TMEM178B: variants seen among roughly 807,000 people sequenced by gnomAD.
TMEM178B encodes the protein transmembrane protein 178B.
TMEM178B carries 5 observed loss-of-function variants against 31.0 expected under a neutral mutation model. That is an observed-to-expected ratio of 0.16 (90% CI 0.08 to 0.34). The LOEUF is 0.34. Among genes scored for constraint, TMEM178B ranks in the 10% least tolerant of loss-of-function variants. The pLI is 1.00. For synonymous variants in TMEM178B, 164 were observed against 164.0 expected (o/e 1.00, Z 0.00); for missense variants, 275 against 400.3 (o/e 0.69, Z 2.67).
intron 2 of TMEM178B, among the ~76,000 whole-genome samples, chr7:141,247,832 A>C (rs1173471035): frequency 2.0e-5 from 3 of 152,158 alleles, no homozygotes; most frequent in African/African-American, 7.2e-5. Context: ...TATACTAAAA[A>C]TTATTTGTTG....
chr7:141,286,120 G>T (rs943235046), intron 2 of TMEM178B, among the ~76,000 whole-genome samples: 2 of 148,972 alleles, frequency 1.3e-5, no homozygotes, highest in African/African-American at 4.9e-5. Context: ...AAATTAAAAA[G>T]AAAAAAAAAG....
At chr7:141,392,086 A>G (rs28544258) in intron 2 of TMEM178B, among the ~76,000 whole-genome samples, 18,850 of 151,802 alleles carry the variant, frequency 0.12, 1,473 homozygotes, top group African/African-American at 0.21. Flanking sequence ...AAACTGCCAT[A>G]TTGTTTTATT....
At chr7:141,132,726 C>T (rs1241352340) in intron 1 of TMEM178B, among the ~76,000 whole-genome samples, 1 of 152,138 alleles carries the variant, frequency 6.6e-6, no homozygotes, top group Non-Finnish European at 1.5e-5. Context: ...CACACCCAAG[C>T]CACCATTGCC....
the TMEM178B span, among the ~76,000 whole-genome samples, chr7:141,495,335 A>T: frequency 8.1e-4 from 124 of 152,346 alleles, no homozygotes; most frequent in Non-Finnish European, 1.5e-3. Flanking sequence ...CCGTGCTCTC[A>T]TCTTCAGTGG....
chr7:141,328,308 G>C (rs1488468666), intron 2 of TMEM178B, among the ~76,000 whole-genome samples: 1 of 152,128 alleles, frequency 6.6e-6, no homozygotes, highest in Non-Finnish European at 1.5e-5. Context: ...TTTAATGGGG[G>C]AATAAGAGAA....
rs570962054 is a variant in TMEM178B, at chr7:141,281,104, T to G, written c.496+68400T>G. On this transcript the variant is annotated intron_variant, in intron 2 of 3. Coordinates refer to ENST00000565468, the MANE Select transcript of TMEM178B (RefSeq NM_001195278.2). ...TCAAAATTCTGTGAAGGGCCTTTTT[T>G]TTTTGGATTCAAGGCACCCTGTTAC... Among the ~76,000 whole-genome samples the G allele has an allele frequency of 5.6e-4, 85 of 152,314 alleles. 2 individuals carry two copies. The South Asian group carries it at 0.017, about 30-fold the overall frequency.
At chr7:141,440,602 G>A (rs1043974220) in intron 3 of TMEM178B, among the ~76,000 whole-genome samples, 5 of 151,950 alleles carry the variant, frequency 3.3e-5, no homozygotes, top group African/African-American at 9.7e-5. Flanking sequence ...ATGGGGCCTC[G>A]ATTATTACTG....
At chr7:141,100,795 G>A (rs1447533978) in intron 1 of TMEM178B, among the ~76,000 whole-genome samples, 1 of 152,110 alleles carries the variant, frequency 6.6e-6, no homozygotes, top group Non-Finnish European at 1.5e-5. Flanking sequence ...ACAATAAACT[G>A]ATTTTCTTAT....
At chr7:141,449,820 G>A (rs971746454) in intron 3 of TMEM178B, among the ~76,000 whole-genome samples, 13 of 152,218 alleles carry the variant, frequency 8.5e-5, no homozygotes, top group African/African-American at 2.2e-4. Context: ...GGAGGTGGGC[G>A]AAGCCTGGCA....
At position 141,171,369 on chromosome 7, in the gene TMEM178B, A is replaced by G. The variant is rs527893745; in HGVS notation, c.383-41222A>G. ...TTACACACATTATCTTACTTTGTTT[A>G]TATAACAATGCTATGATGTAGGTAC... On this transcript the variant is annotated intron_variant, in intron 1 of 3. Transcript: ENST00000565468. This position sits in a 1 kb window ranked among gnomAD's most constrained non-coding sequence, Gnocchi z 4.3. Among the ~76,000 whole-genome samples, 58 of 152,348 alleles carry G rather than the reference A, an allele frequency of 3.8e-4. No homozygotes were observed. The highest frequency in any genetic ancestry group is 5.9e-4 in the Non-Finnish European group (40 of 68,030).
chr7:141,388,399 T>C (rs1423041887), intron 2 of TMEM178B, among the ~76,000 whole-genome samples: 2 of 152,242 alleles, frequency 1.3e-5, no homozygotes, highest in Non-Finnish European at 1.5e-5. Context: ...TGCATATCAC[T>C]GTGAACTCAC....
chr7:141,141,394 C>T (rs1795765781), intron 1 of TMEM178B, among the ~76,000 whole-genome samples: 2 of 152,136 alleles, frequency 1.3e-5, no homozygotes, highest in Non-Finnish European at 2.9e-5. Context: ...AGCCCTGGCT[C>T]CTTTTATTGG....
At chr7:141,452,757 G>A (rs908123389) in intron 3 of TMEM178B, among the ~76,000 whole-genome samples, 6 of 152,200 alleles carry the variant, frequency 3.9e-5, no homozygotes, top group Admixed American at 6.5e-5. Flanking sequence ...CTAGCAGAGA[G>A]TAGGCACTCT....
chr7:141,401,505 T>A (rs1800768094), intron 2 of TMEM178B, among the ~76,000 whole-genome samples: 1 of 152,172 alleles, frequency 6.6e-6, no homozygotes, highest in African/African-American at 2.4e-5. Context: ...AGCCTCAAAT[T>A]CCTGGACTCA....
At chr7:141,314,956 G>A (rs1395840149) in intron 2 of TMEM178B, among the ~76,000 whole-genome samples, 1 of 152,168 alleles carries the variant, frequency 6.6e-6, no homozygotes, top group African/African-American at 2.4e-5. Flanking sequence ...AGGTATTATT[G>A]TTTCCAACCC....
intron 2 of TMEM178B, among the ~76,000 whole-genome samples, chr7:141,377,919 G>C (rs956582768): frequency 6.6e-6 from 1 of 152,074 alleles, no homozygotes; most frequent in Non-Finnish European, 1.5e-5. Flanking sequence ...CAATACATTT[G>C]TCAAACTAAG....
At chr7:141,314,246 CAGG>C (rs1287685641) in intron 2 of TMEM178B, among the ~76,000 whole-genome samples, 3 of 152,214 alleles carry the variant, frequency 2.0e-5, no homozygotes, top group African/African-American at 7.2e-5. Flanking sequence ...CTTCAACTCT[CAGG>C]AGGACAGGTT....
chr7:141,090,034 C>G lies in TMEM178B; in HGVS notation c.382+15342C>G, dbSNP rs183939536. On this transcript the variant is annotated intron_variant, in intron 1 of 3. Coordinates refer to ENST00000565468, the MANE Select transcript of TMEM178B (RefSeq NM_001195278.2). ...AAAAAAAAAAGTCTAGCCACCACTT[C>G]ATGATAATCTTGTCCACTTTTGCTA... Among the ~76,000 whole-genome samples, 640 of 152,158 alleles carry G rather than the reference C, an allele frequency of 4.2e-3. 4 individuals carry two copies. Among genetic ancestry groups the G allele is most frequent in the Middle Eastern group, 6.8e-3 (2 of 292 alleles).
At chr7:141,497,230 C>T in the TMEM178B span, among the ~76,000 whole-genome samples, 1 of 152,174 alleles carries the variant, frequency 6.6e-6, no homozygotes, top group Admixed American at 6.5e-5. Context: ...TTACCTTGAC[C>T]AGAAGGTGAG....
Sources: gnomAD v4.1 joint callset for allele counts (sites outside exome capture counted in the v4.1 genomes callset) on GRCh38, gnomAD v4.1.1 for gene constraint, Gnocchi (gnomAD v3.1) non-coding constraint, MANE v1.5 for transcripts, NCBI Gene and HGNC (gene_info 2026-07-23, HGNC 2026-07-21) for gene names.